The following CLCN4 variants were observed in gnomAD, a reference collection of about 807,000 sequenced individuals.
The protein encoded by CLCN4 is H(+)/Cl(-) exchange transporter 4.
A neutral mutation model predicts 41.7 loss-of-function variants in CLCN4; 1 was observed. That is an observed-to-expected ratio of 0.02 (90% CI 0.01 to 0.11). The LOEUF is 0.11. Among genes scored for constraint, CLCN4 ranks in the 10% least tolerant of loss-of-function variants. The pLI is 1.00. For missense variants in CLCN4, 287 were observed against 661.0 expected (o/e 0.43, Z 6.20); for synonymous variants, 277 against 285.8 (o/e 0.97, Z 0.31).
At chrX:10,222,776 C>G (rs1430565119) in intron 12 of CLCN4, among the ~76,000 whole-genome samples, 1 of 111,940 alleles carries the variant, frequency 8.9e-6, no homozygotes, top group African/African-American at 3.3e-5. Flanking sequence ...GTAGCAAGCA[C>G]ACAGGGGGAC....
At chrX:10,212,860 A>ACACACACACACACACACACACAC (rs1924601343) in intron 10 of CLCN4, among the ~76,000 whole-genome samples, 1 of 76,204 alleles carries the variant, frequency 1.3e-5, no homozygotes, top group African/African-American at 6.1e-5. Flanking sequence ...CACACACACA[A>ACACACACACACACACACACACAC]ACAGATGCCC....
Position 10,165,213 on chromosome X carries a change from A to G in CLCN4, c.-12+6662A>G, listed in dbSNP as rs78806931. ...TGCACTGGCTATTCCCTCAGCCCTG[A>G]GCACTCAGCCCCCTCGTATTCAACA... On this transcript the variant is annotated intron_variant, in intron 2 of 12. Coordinates refer to ENST00000380833, the MANE Select transcript of CLCN4 (RefSeq NM_001830.4). Among the ~76,000 whole-genome samples the G allele has an allele frequency of 4.2e-3, 476 of 113,012 alleles. 3 individuals carry two copies. The highest frequency in any genetic ancestry group is 0.04 in the Admixed American group (437 of 10,804).
At chrX:10,225,735 T>A (rs1482521075) in intron 12 of CLCN4, among the ~76,000 whole-genome samples, 4 of 112,182 alleles carry the variant, frequency 3.6e-5, no homozygotes, top group Non-Finnish European at 7.5e-5. Flanking sequence ...GGGTTTTACA[T>A]TTAAATCTTT....
At chrX:10,232,611 A>G (rs1468488856) in intron 12 of CLCN4, among the ~76,000 whole-genome samples, 2 of 112,055 alleles carry the variant, frequency 1.8e-5, no homozygotes, top group Non-Finnish European at 3.8e-5. Flanking sequence ...CTTCTCTCAG[A>G]CCTTTCATTT....
chrX:10,159,585 T>C (rs990518884), intron 2 of CLCN4, among the ~76,000 whole-genome samples: 1 of 111,294 alleles, frequency 9.0e-6, no homozygotes. Flanking sequence ...CTAAACTGTA[T>C]TGGAACTCAC....
intron 2 of CLCN4, among the ~76,000 whole-genome samples, chrX:10,161,873 C>T (rs1434463412): frequency 2.7e-5 from 3 of 110,785 alleles, no homozygotes; most frequent in Admixed American, 9.6e-5. Context: ...GCTGCCATGT[C>T]GTGATCAGCC....
chrX:10,164,863 TGTC>T (rs1405522466), intron 2 of CLCN4, among the ~76,000 whole-genome samples: 1 of 112,505 alleles, frequency 8.9e-6, no homozygotes, highest in Non-Finnish European at 1.9e-5. Flanking sequence ...TCCCGCTTCT[TGTC>T]GTGGCTGAAG....
intron 2 of CLCN4, among the ~76,000 whole-genome samples, chrX:10,175,937 T>TTCCTCTCTCTCTCC (rs1923515385): frequency 3.7e-5 from 2 of 53,921 alleles, no homozygotes; most frequent in African/African-American, 1.8e-4. Context: ...TCCCCCTCCC[T>TTCCTCTCTCTCTCC]CCCTCTCCCT....
intron 11 of CLCN4, among the ~76,000 whole-genome samples, chrX:10,217,845 C>G (rs1307103230): frequency 9.1e-6 from 1 of 109,890 alleles, no homozygotes; most frequent in Non-Finnish European, 1.9e-5. Context: ...CAGATTCAAG[C>G]AATTCTCCTG....
At chrX:10,217,638 C>G (rs139685905) in intron 11 of CLCN4, among the ~76,000 whole-genome samples, 20 of 112,165 alleles carry the variant, frequency 1.8e-4, no homozygotes, top group African/African-American at 5.8e-4. Flanking sequence ...ATTTCTCTTA[C>G]CCATACTTTA....
Position 10,208,131 on chromosome X carries a change from C to T in CLCN4, c.930C>T (p.Pro310=), listed in dbSNP as rs1421307675. The change falls in exon 9 of 13, where the codon CCC becomes CCT. Residue 310 remains proline, a synonymous_variant. Transcript: ENST00000380833. Reference sequence around the variant, plus strand: ...CCTTTACGCTGAGATCCATCAATCCCTTTGGGAATAGCCGTCTCGTTCTCT... The same window carrying T: ...CCTTTACGCTGAGATCCATCAATCCTTTTGGGAATAGCCGTCTCGTTCTCT... ...VAAFTLRSIN[P]FGNSRLVLFY... 8.3e-7 allele frequency: 1 copy of T among 1,211,849 alleles called. No homozygotes were observed. The highest frequency in any genetic ancestry group is 1.1e-6 in the Non-Finnish European group (1 of 895,428).
intron 10 of CLCN4, 109 bp from the exon 11 acceptor site, chrX:10,213,572 G>C (rs1924625547): frequency 1.4e-6 from 1 of 718,468 alleles, no homozygotes. Context: ...GAGTCTGCTT[G>C]GAACAGGTGT....
At chrX:10,181,724 A>G (rs1923690074) in intron 2 of CLCN4, among the ~76,000 whole-genome samples, 2 of 111,918 alleles carry the variant, frequency 1.8e-5, no homozygotes, top group Admixed American at 1.9e-4. Context: ...AGAACCTGTT[A>G]TGTTATTGCT....
At chrX:10,208,616 G>A (rs1924457698) in intron 9 of CLCN4, 26 bp downstream of exon 9, 2 of 1,167,491 alleles carry the variant, frequency 1.7e-6, no homozygotes, top group African/African-American at 1.7e-5. Context: ...GGAAGATGGG[G>A]TGGGGACCCA....
chrX:10,235,079 A>AG lies in CLCN4; in HGVS notation c.*1500dup, dbSNP rs1925217851. 8.9e-6 allele frequency: 1 copy of AG among 112,265 alleles called. No homozygotes were observed. The highest frequency in any genetic ancestry group is 1.9e-5 in the Non-Finnish European group (1 of 53,285). 9.3% of individuals were successfully genotyped at this position (112,265 alleles called of 1,213,427 possible). A position where few individuals can be genotyped will look rare whatever the true frequency, so the allele number is the denominator to read the frequency against. ...TGAAGGGCTGGATAAGAACCCTGAG[A>AG]GGGGGTACTCCAGGACTGTCTCCAT... On this transcript the variant is annotated 3_prime_UTR_variant, in exon 13 of 13. Coordinates refer to ENST00000380833, the MANE Select transcript of CLCN4 (RefSeq NM_001830.4).
intron 1 of CLCN4, 42 bp downstream of exon 1, chrX:10,157,142 G>T: frequency 3.4e-6 from 1 of 295,455 alleles, no homozygotes; most frequent in South Asian, 2.1e-4. Context: ...TGAGAGGAGT[G>T]ACCTAGTAAA....
At chrX:10,182,322 T>A (rs1193165453) in intron 2 of CLCN4, among the ~76,000 whole-genome samples, 1 of 112,531 alleles carries the variant, frequency 8.9e-6, no homozygotes, top group African/African-American at 3.2e-5. Context: ...CAACAACCAT[T>A]CATTATTTTC....
intron 9 of CLCN4, among the ~76,000 whole-genome samples, chrX:10,209,520 T>C (rs749027728): frequency 1.4e-3 from 151 of 108,363 alleles, no homozygotes; most frequent in African/African-American, 5.0e-3. Flanking sequence ...ACCACCACAC[T>C]TGGTGATTTA....
Position 10,220,674 on chromosome X carries a change from G to C in CLCN4, c.1989G>C (p.Gln663His), listed in dbSNP as rs1402967241. ...ELILAIKNAR[Q>H]RQEGIVSNSI... ...ACCCCATTCTAGAGAACGCCAGACA[G>C]AGGCAGGAGGGCATTGTGAGCAATT... The change falls in exon 12 of 13, where the codon CAG (glutamine) becomes CAC (histidine). Residue 663 changes from glutamine (Q) to histidine (H), a missense_variant. Physicochemically the swap from Gln to His is conservative, Grantham distance 24. This residue lies in a region of CLCN4 where 71 missense variants were observed against 104.5 expected (regional missense o/e 0.68). Transcript: ENST00000380833. The C allele has an allele frequency of 2.3e-5, 28 of 1,208,929 alleles. No homozygotes were observed. Among genetic ancestry groups the C allele is most frequent in the Non-Finnish European group, 3.0e-5 (27 of 894,326 alleles).
Sources: gnomAD v4.1 joint callset for allele counts (sites outside exome capture counted in the v4.1 genomes callset) on GRCh38, gnomAD v4.1.1 for gene constraint, gnomAD v4.1.1 regional missense constraint, MANE v1.5 for transcripts, NCBI Gene and HGNC (gene_info 2026-07-23, HGNC 2026-07-21) for gene names.